The following DCC variants were observed in gnomAD, a reference collection of about 807,000 sequenced individuals.
DCC encodes the protein DCC netrin 1 receptor.
DCC carries 58 observed loss-of-function variants against 172.5 expected under a neutral mutation model. The observed-to-expected ratio is 0.34, with a 90% CI of 0.27 to 0.42. The LOEUF is 0.42. Among genes scored for constraint, DCC ranks in the 10% least tolerant of loss-of-function variants. DCC has a pLI of 1.00. For missense variants in DCC, 1,740 were observed against 1,791.0 expected (o/e 0.97, Z 0.51); for synonymous variants, 709 against 644.5 (o/e 1.10, Z -1.52).
At chr18:52,443,763 C>A (rs987014258) in intron 1 of DCC, among the ~76,000 whole-genome samples, 2 of 152,126 alleles carry the variant, frequency 1.3e-5, no homozygotes, top group East Asian at 3.9e-4. Context: ...CAAGTTAGGA[C>A]TTTATTGTGT....
chr18:52,430,625 T>TA (rs2144466027), intron 1 of DCC, among the ~76,000 whole-genome samples: 1 of 152,282 alleles, frequency 6.6e-6, no homozygotes, highest in African/African-American at 2.4e-5. Flanking sequence ...TCTCATTTCT[T>TA]ACATACATAC....
chr18:52,918,474 G>C (rs374254372), intron 3 of DCC, among the ~76,000 whole-genome samples: 2 of 152,062 alleles, frequency 1.3e-5, no homozygotes, highest in East Asian at 1.9e-4. Context: ...TATGTGCCTC[G>C]AATGTTAGTC....
chr18:53,109,097 C>T (rs2043293551), intron 7 of DCC, among the ~76,000 whole-genome samples: 1 of 151,260 alleles, frequency 6.6e-6, no homozygotes, highest in Non-Finnish European at 1.5e-5. Context: ...ATTTTATGGG[C>T]AGGTATAGAA....
At chr18:53,300,017 T>A (rs1290836645) in intron 12 of DCC, among the ~76,000 whole-genome samples, 2 of 152,206 alleles carry the variant, frequency 1.3e-5, no homozygotes, top group African/African-American at 2.4e-5. Context: ...GAGTGGTGCT[T>A]AATTTATCAC....
chr18:53,326,615 T>A (rs1037562941), intron 14 of DCC, among the ~76,000 whole-genome samples: 1 of 152,216 alleles, frequency 6.6e-6, no homozygotes, highest in East Asian at 1.9e-4. Flanking sequence ...GCTCTATTTT[T>A]AAAAAGATTT....
At chr18:53,257,209 TCTC>T (rs1399091415) in intron 12 of DCC, among the ~76,000 whole-genome samples, 1 of 152,140 alleles carries the variant, frequency 6.6e-6, no homozygotes, top group African/African-American at 2.4e-5. Context: ...TTTATTTCCT[TCTC>T]CTGCCTGATT....
intron 1 of DCC, among the ~76,000 whole-genome samples, chr18:52,374,607 G>T (rs1312673708): frequency 6.6e-6 from 1 of 152,058 alleles, no homozygotes; most frequent in East Asian, 1.9e-4. Context: ...CATTAGACTG[G>T]CTGGAATAGG....
At chr18:53,185,172 A>G (rs753527030) in intron 9 of DCC, among the ~76,000 whole-genome samples, 2 of 152,178 alleles carry the variant, frequency 1.3e-5, no homozygotes, top group Non-Finnish European at 2.9e-5. Context: ...GGAACGTTAA[A>G]AATTTATGGT....
intron 2 of DCC, among the ~76,000 whole-genome samples, chr18:52,877,710 A>C (rs1215038460): frequency 6.6e-6 from 1 of 152,090 alleles, no homozygotes; most frequent in Non-Finnish European, 1.5e-5. Flanking sequence ...AATATAAAAA[A>C]AAAAATTAGT....
At chr18:53,083,031 T>G (rs905471830) in intron 7 of DCC, among the ~76,000 whole-genome samples, 10 of 149,430 alleles carry the variant, frequency 6.7e-5, no homozygotes, top group Admixed American at 6.7e-4. Context: ...ATTTTTTTTT[T>G]ACCTTTGCTA....
At chr18:53,500,117 T>A (rs1458628783) in intron 27 of DCC, among the ~76,000 whole-genome samples, 2 of 152,164 alleles carry the variant, frequency 1.3e-5, no homozygotes, top group Non-Finnish European at 2.9e-5. Context: ...ATGGCAGGGA[T>A]GGGAAATGAG....
chr18:53,051,283 G>A (rs1212839207), intron 5 of DCC, among the ~76,000 whole-genome samples: 1 of 152,006 alleles, frequency 6.6e-6, no homozygotes, highest in African/African-American at 2.4e-5. Context: ...AATTGATGAA[G>A]TCCCTGCTGA....
At chr18:53,059,176 G>A (rs569452393) in intron 5 of DCC, among the ~76,000 whole-genome samples, 13 of 152,066 alleles carry the variant, frequency 8.5e-5, no homozygotes, top group Admixed American at 3.3e-4. Flanking sequence ...ACAGCACGAG[G>A]GTAACTGTCT....
chr18:53,487,242 G>A (rs1167191374), intron 26 of DCC, among the ~76,000 whole-genome samples: 1 of 152,150 alleles, frequency 6.6e-6, no homozygotes, highest in East Asian at 1.9e-4. Flanking sequence ...ATGGGTACTT[G>A]AAATTAATAT....
intron 5 of DCC, among the ~76,000 whole-genome samples, chr18:53,043,984 C>T (rs1364265187): frequency 1.3e-5 from 2 of 151,734 alleles, no homozygotes; most frequent in Non-Finnish European, 2.9e-5. Flanking sequence ...AATGTATTTC[C>T]CTAGATCTAA....
At chr18:53,079,871 G>T (rs190450976) in intron 7 of DCC, among the ~76,000 whole-genome samples, 1 of 152,266 alleles carries the variant, frequency 6.6e-6, no homozygotes, top group East Asian at 1.9e-4. Context: ...AGTGAATTAT[G>T]TGTGGTTCTG....
intron 9 of DCC, among the ~76,000 whole-genome samples, chr18:53,185,633 A>T (rs1227290163): frequency 6.6e-6 from 1 of 152,188 alleles, no homozygotes; most frequent in Non-Finnish European, 1.5e-5. Flanking sequence ...TGTATTGGAG[A>T]TCACAGAGAA....
intron 1 of DCC, among the ~76,000 whole-genome samples, chr18:52,636,246 C>T (rs562492736): frequency 2.0e-5 from 3 of 152,166 alleles, no homozygotes; most frequent in East Asian, 1.9e-4. Context: ...AGGGATCCAA[C>T]GAGAGAGGAC....
chr18:52,642,320 G>C (rs2034923566), intron 1 of DCC, among the ~76,000 whole-genome samples: 1 of 151,732 alleles, frequency 6.6e-6, no homozygotes, highest in East Asian at 2.0e-4. Context: ...GGGAATTCGG[G>C]GGAAGAGTGG....
Sources: gnomAD v4.1 joint callset for allele counts (sites outside exome capture counted in the v4.1 genomes callset) on GRCh38, gnomAD v4.1.1 for gene constraint, MANE v1.5 for transcripts, NCBI Gene and HGNC (gene_info 2026-07-23, HGNC 2026-07-21) for gene names.